The following PPP2R2B variants were observed in gnomAD, a reference collection of about 807,000 sequenced individuals.
PPP2R2B encodes the protein serine/threonine-protein phosphatase 2A 55 kDa regulatory subunit B beta isoform.
Under a neutral mutation model 46.0 loss-of-function variants are expected in PPP2R2B, and 5 were observed. That is an observed-to-expected ratio of 0.11 (90% confidence interval 0.06 to 0.23). The LOEUF (loss-of-function observed/expected upper bound fraction) is 0.23. PPP2R2B is among the 10% of genes least tolerant of loss of function. The pLI, the probability that PPP2R2B is intolerant of heterozygous loss-of-function variation, is 1.00. For missense variants in PPP2R2B, 367 were observed against 575.0 expected, an observed-to-expected ratio of 0.64 and a Z score of 3.70; for synonymous variants, 215 against 206.7, an observed-to-expected ratio of 1.04 and a Z score of -0.34.
At position 146,909,296 on chromosome 5, in the gene PPP2R2B, A is replaced by G. The variant is rs1442013434; in HGVS notation, c.79+146369T>C. Among the ~76,000 whole-genome samples, 5 of 152,202 alleles carry G rather than the reference A, an allele frequency of 3.3e-5. No homozygotes were observed. The South Asian group carries it at 1.0e-3, about 31-fold the overall frequency. On this transcript the variant is annotated intron_variant, in intron 1 of 8. Coordinates refer to the PPP2R2B transcript ENST00000336640. ...TGGGTAACTTATCAGTAAGTAGAGC[A>G]GTTCTTGAATTCAGTTCATTTGCTT... is the stretch of plus-strand genomic sequence containing the variant.
chr5:146,684,051 G>C (rs925152044), intron 5 of PPP2R2B, among the ~76,000 whole-genome samples: 8 of 152,108 alleles, frequency 5.3e-5, no homozygotes, highest in African/African-American at 1.9e-4. Context: ...TAATCCAGGA[G>C]CCGTTGGTGC....
At chr5:146,595,378 C>A (rs1771075623) in intron 8 of PPP2R2B, among the ~76,000 whole-genome samples, 1 of 152,208 alleles carries the variant, frequency 6.6e-6, no homozygotes, top group South Asian at 2.1e-4. Context: ...ATGAACCTTT[C>A]CTCATCTGTC....
At chr5:146,984,742 C>CT (rs956934936) in intron 1 of PPP2R2B, among the ~76,000 whole-genome samples, 98 of 147,186 alleles carry the variant, frequency 6.7e-4, no homozygotes, top group Middle Eastern at 3.4e-3. Flanking sequence ...TTATCTTTGG[C>CT]TTTTTTTTTT....
At chr5:146,595,764 C>T (rs1771109649) in intron 8 of PPP2R2B, among the ~76,000 whole-genome samples, 1 of 152,226 alleles carries the variant, frequency 6.6e-6, no homozygotes, top group Admixed American at 6.5e-5. Flanking sequence ...TGAGCAACCT[C>T]TAGAGCTTGG....
At chr5:147,010,847 C>G (rs756865874) in intron 1 of PPP2R2B, among the ~76,000 whole-genome samples, 1 of 152,114 alleles carries the variant, frequency 6.6e-6, no homozygotes, top group Admixed American at 6.5e-5. Flanking sequence ...CACTCCCAAC[C>G]TACTCTACAG....
chr5:146,678,283 G>A (rs1346378776), intron 5 of PPP2R2B, among the ~76,000 whole-genome samples: 4 of 151,378 alleles, frequency 2.6e-5, no homozygotes, highest in Non-Finnish European at 5.9e-5. Context: ...CAGAGCCAAA[G>A]ACAAAAACCA....
intron 1 of PPP2R2B, among the ~76,000 whole-genome samples, chr5:146,991,069 A>C (rs796371204): frequency 7.9e-5 from 12 of 152,258 alleles, no homozygotes; most frequent in African/African-American, 2.4e-4. Flanking sequence ...GATAAAAAAA[A>C]CACAAATGCT....
chr5:146,809,901 T>C (rs1757421230), intron 2 of PPP2R2B, among the ~76,000 whole-genome samples: 1 of 152,128 alleles, frequency 6.6e-6, no homozygotes, highest in Admixed American at 6.6e-5. Context: ...TAGACTCACA[T>C]GGTAGTACTG....
At chr5:147,076,118 A>G (rs370199631) in intron 2 of PPP2R2B, among the ~76,000 whole-genome samples, 6 of 152,288 alleles carry the variant, frequency 3.9e-5, no homozygotes, top group African/African-American at 1.4e-4. Flanking sequence ...CTTAATCACT[A>G]TATCACACTG....
chr5:146,722,005 A>C (rs1370439519), intron 2 of PPP2R2B, among the ~76,000 whole-genome samples: 1 of 152,202 alleles, frequency 6.6e-6, no homozygotes, highest in African/African-American at 2.4e-5. Context: ...TAACCCTCAC[A>C]ATAAAACCAT....
At chr5:146,842,924 C>A (rs1219604318) in intron 2 of PPP2R2B, among the ~76,000 whole-genome samples, 2 of 152,196 alleles carry the variant, frequency 1.3e-5, no homozygotes, top group African/African-American at 4.8e-5. Flanking sequence ...CGCGGTGGCT[C>A]ACGCCTGTAA....
chr5:146,888,990 G>C (rs1329102631), intron 1 of PPP2R2B, among the ~76,000 whole-genome samples: 1 of 152,148 alleles, frequency 6.6e-6, no homozygotes, highest in South Asian at 2.1e-4. Context: ...ATTTGGTTTT[G>C]GTTATTACAG....
chr5:146,798,542 A>G lies in PPP2R2B; in HGVS notation c.70+79460T>C, dbSNP rs571516648. Among the ~76,000 whole-genome samples, 3 of 152,344 alleles carry G rather than the reference A, an allele frequency of 2.0e-5. No individual in the cohort carries two copies. The South Asian group carries it at 6.2e-4, about 32-fold the overall frequency. The stretch of plus-strand genomic sequence containing the variant: ...GCTTAAATTATTCTTAGACAAATGA[A>G]TGCTATCATTTAAATATTATAAGTA... On this transcript the variant is annotated intron_variant, in intron 2 of 9. Coordinates refer to ENST00000394411, the MANE Select transcript of PPP2R2B (RefSeq NM_181675.4).
chr5:146,905,391 T>C (rs901780068), intron 1 of PPP2R2B, among the ~76,000 whole-genome samples: 1 of 152,140 alleles, frequency 6.6e-6, no homozygotes, highest in Non-Finnish European at 1.5e-5. Context: ...TTGTCTTAAG[T>C]TTGAAATTTT....
At chr5:146,941,646 AT>A (rs1317900944) in intron 1 of PPP2R2B, among the ~76,000 whole-genome samples, 5 of 152,288 alleles carry the variant, frequency 3.3e-5, no homozygotes, top group Admixed American at 2.6e-4. Flanking sequence ...AATTAATTCA[AT>A]TTCAGATTAC....
At chr5:146,973,257 G>A (rs901810953) in intron 1 of PPP2R2B, among the ~76,000 whole-genome samples, 6 of 152,088 alleles carry the variant, frequency 3.9e-5, no homozygotes, top group Admixed American at 3.3e-4. Context: ...TAATTTTGCC[G>A]GAAAAATGTG....
intron 2 of PPP2R2B, among the ~76,000 whole-genome samples, chr5:146,833,992 C>T (rs576593354): frequency 4.7e-4 from 71 of 152,226 alleles, no homozygotes; most frequent in African/African-American, 1.7e-3. Context: ...GGTTACCTAA[C>T]GTGGCTCTAA....
intron 1 of PPP2R2B, among the ~76,000 whole-genome samples, chr5:147,036,452 T>G (rs908400261): frequency 2.0e-5 from 3 of 152,228 alleles, no homozygotes; most frequent in Non-Finnish European, 4.4e-5. Flanking sequence ...TCTTTGCTAT[T>G]GTGAATAATT....
intron 1 of PPP2R2B, among the ~76,000 whole-genome samples, chr5:147,045,487 A>C (rs1246864745): frequency 1.3e-5 from 2 of 152,122 alleles, no homozygotes; most frequent in Admixed American, 6.6e-5. Context: ...GTGTAAGCAC[A>C]GACTGTGTTT....
Sources: gnomAD v4.1 joint callset for allele counts (sites outside exome capture counted in the v4.1 genomes callset) on GRCh38, gnomAD v4.1.1 for gene constraint, MANE v1.5 for transcripts, NCBI Gene and HGNC (gene_info 2026-07-23, HGNC 2026-07-21) for gene names.